Variants in MDN1 observed in about 807,000 individuals in gnomAD.
MDN1 encodes the protein midasin AAA ATPase 1.
Under a neutral mutation model 669.2 loss-of-function variants are expected in MDN1, and 266 were observed. That is an observed-to-expected ratio of 0.40 (90% CI 0.36 to 0.44). The LOEUF is 0.44. Ranked by LOEUF, MDN1 falls within the 20% of genes least tolerant of loss-of-function variation. MDN1 has a pLI of 1.00. For synonymous variants in MDN1, 2,385 were observed against 2,457.1 expected (o/e 0.97, Z 0.87); for missense variants, 5,940 against 6,754.0 (o/e 0.88, Z 4.22).
intron 44 of MDN1, 143 bp from the exon 45 acceptor site, chr6:89,715,912 C>T: frequency 1.5e-6 from 1 of 671,338 alleles, no homozygotes; most frequent in Admixed American, 2.1e-5. Context: ...TGATCTCTTT[C>T]AAAAGTAGAT....
intron 2 of MDN1, among the ~76,000 whole-genome samples, chr6:89,802,628 G>T (rs1395292246): frequency 6.6e-6 from 1 of 152,090 alleles, no homozygotes; most frequent in Non-Finnish European, 1.5e-5. Flanking sequence ...GGCAGAGGTT[G>T]CAGTGAGCAG....
At chr6:89,701,729 A>C in intron 54 of MDN1, 51 bp from the exon 55 acceptor site, 1 of 1,575,542 alleles carries the variant, frequency 6.3e-7, no homozygotes. Context: ...GGGAAATGCT[A>C]GACAGTAAGA....
intron 22 of MDN1, among the ~76,000 whole-genome samples, chr6:89,752,205 G>A (rs368463194): frequency 1.3e-5 from 2 of 152,120 alleles, no homozygotes; most frequent in African/African-American, 4.8e-5. Context: ...CAAGCTACAC[G>A]TCTAGGCCCT....
intron 13 of MDN1, among the ~76,000 whole-genome samples, chr6:89,773,497 A>T (rs1818209643): frequency 6.7e-6 from 1 of 148,416 alleles, no homozygotes; most frequent in South Asian, 2.1e-4. Flanking sequence ...CTGAGATCGC[A>T]CCACTGCACT....
chr6:89,708,351 G>A, intron 51 of MDN1, 145 bp downstream of exon 51: 1 of 1,002,384 alleles, frequency 1.0e-6, no homozygotes, highest in Non-Finnish European at 1.5e-6. Flanking sequence ...ATTATCGTAT[G>A]ATAAAGGCAA....
intron 83 of MDN1, among the ~76,000 whole-genome samples, chr6:89,669,995 G>A (rs575759719): frequency 2.0e-5 from 3 of 151,358 alleles, no homozygotes; most frequent in East Asian, 2.0e-4. Flanking sequence ...ACAAGGTCAG[G>A]AGATCGAGAC....
rs60588845 is a variant in MDN1, at chr6:89,745,134, T to TAAAAAAAAAA, written c.4178+129_4178+138dup. ...CCCCGACCCACTCTTAGTCTCTTCTTAAAAAAAAAAAAAAAAAAGAAAAAA... is the reference window on the plus strand; with the variant it reads ...CCCCGACCCACTCTTAGTCTCTTCTTAAAAAAAAAAAAAAAAAAAAAAAAAAAAGAAAAAA... On this transcript the variant is annotated intron_variant, in intron 29 of 101. Transcript: ENST00000369393. 1.1e-3 allele frequency: 324 copies of TAAAAAAAAAA among 282,908 alleles called. 1 individual carries two copies. The highest frequency in any genetic ancestry group is 5.4e-3 in the East Asian group (31 of 5,710). The allele number at this position is 282,908 out of a possible 1,614,324, so 17.5% of individuals were successfully genotyped here.
chr6:89,714,601 C>G lies in MDN1; in HGVS notation c.7011G>C (p.Gly2337=). 1 of 1,614,080 alleles carries G rather than the reference C, an allele frequency of 6.2e-7. No homozygotes were observed. The highest frequency in any genetic ancestry group is 8.5e-7 in the Non-Finnish European group (1 of 1,179,966). The change falls in exon 46 of 102, where the codon GGG becomes GGC. Residue 2337 remains glycine, a synonymous_variant. Coordinates refer to ENST00000369393, the MANE Select transcript of MDN1 (RefSeq NM_014611.3). ...KVLLHSLGLV[G]NSVCDILLAL... is the part of the protein sequence containing the mutation. ...CCAAGAGGATGTCACATACACTGTTCCCCACCAATCCAAGGCTGTGCAGCA... is the reference window on the plus strand; with the variant it reads ...CCAAGAGGATGTCACATACACTGTTGCCCACCAATCCAAGGCTGTGCAGCA...
rs555846669 is a variant in MDN1 at position 89,668,117 on chromosome 6, G to A, written c.13991C>T (p.Ser4664Leu). 1.7e-4 allele frequency: 280 copies of A among 1,613,976 alleles called. 1 individual carries two copies. The South Asian group carries it at 2.9e-3, about 17-fold the overall frequency. ...FCLPKEFMED[S>L]AGEGATEFHD... is the part of the protein sequence containing the mutation. ...GAACTCAGTTGCTCCCTCTCCAGCT[G>A]AATCTTCCATAAATTCTTTGGGCAA... is the stretch of plus-strand genomic sequence containing the variant. The change falls in exon 84 of 102, where the codon TCA becomes TTA. Residue 4664 changes from serine to leucine, a missense_variant. By Grantham distance (145) the Ser-to-Leu change is moderately radical (BLOSUM62 -2). Coordinates refer to ENST00000369393, the MANE Select transcript of MDN1 (RefSeq NM_014611.3).
At chr6:89,698,611 G>A (rs1812936309) in intron 59 of MDN1, among the ~76,000 whole-genome samples, 2 of 151,972 alleles carry the variant, frequency 1.3e-5, no homozygotes, top group Non-Finnish European at 2.9e-5. Flanking sequence ...GTTTTATAGT[G>A]GGAAAAATGT....
intron 69 of MDN1, 77 bp from the exon 70 acceptor site, chr6:89,686,050 T>G: frequency 6.9e-7 from 1 of 1,451,578 alleles, no homozygotes; most frequent in African/African-American, 1.4e-5. Context: ...CGCAATCTAT[T>G]TGGGATACTA....
At chr6:89,664,368 G>C in intron 85 of MDN1, 119 bp downstream of exon 85, 1 of 1,284,438 alleles carries the variant, frequency 7.8e-7, no homozygotes. Context: ...TTGCACTTAA[G>C]CACAGTAACC....
At chr6:89,658,941 G>A (rs747213328) in intron 88 of MDN1, 24 bp from the exon 89 acceptor site, 5 of 1,561,674 alleles carry the variant, frequency 3.2e-6, no homozygotes, top group African/African-American at 1.4e-5. Context: ...ACAAAAAGGA[G>A]GAGTGCAGAA....
intron 38 of MDN1, among the ~76,000 whole-genome samples, chr6:89,724,340 T>C (rs534442346): frequency 1.6e-4 from 24 of 152,224 alleles, no homozygotes; most frequent in African/African-American, 5.5e-4. Flanking sequence ...TGGAGTACAA[T>C]GGCGCGATCT....
chr6:89,776,722 G>A, intron 11 of MDN1, 27 bp from the exon 12 acceptor site: 2 of 1,453,394 alleles, frequency 1.4e-6, no homozygotes, highest in South Asian at 1.2e-5. Flanking sequence ...GGTAAATGCT[G>A]ACTGATTTTT....
At chr6:89,729,187 T>G (rs1244263351) in intron 35 of MDN1, 48 bp from the exon 36 acceptor site, 1 of 1,455,520 alleles carries the variant, frequency 6.9e-7, no homozygotes, top group East Asian at 2.3e-5. Context: ...CATCATCAAA[T>G]CACATGTATG....
At chr6:89,788,307 AAAG>A (rs1219940883) in intron 7 of MDN1, among the ~76,000 whole-genome samples, 3 of 152,206 alleles carry the variant, frequency 2.0e-5, no homozygotes, top group African/African-American at 7.2e-5. Context: ...AGTCATATAT[AAAG>A]ATACAGGGGG....
intron 26 of MDN1, among the ~76,000 whole-genome samples, chr6:89,748,476 C>A (rs191231700): frequency 1.4e-4 from 21 of 152,244 alleles, no homozygotes; most frequent in Non-Finnish European, 2.1e-4. Flanking sequence ...AAACTTTTAA[C>A]CCCATAAGAT....
intron 93 of MDN1, 123 bp from the exon 94 acceptor site, chr6:89,653,278 TC>T: frequency 1.1e-6 from 1 of 952,202 alleles, no homozygotes; most frequent in Non-Finnish European, 1.5e-6. Flanking sequence ...CCAACACATT[TC>T]CACATGTTGA....
Sources: gnomAD v4.1 joint callset for allele counts (sites outside exome capture counted in the v4.1 genomes callset) on GRCh38, gnomAD v4.1.1 for gene constraint, MANE v1.5 for transcripts, NCBI Gene and HGNC (gene_info 2026-07-23, HGNC 2026-07-21) for gene names.